Variants in RUNDC3B observed in about 807,000 individuals in gnomAD.
The protein encoded by RUNDC3B is RUN domain containing 3B, also known as RUN domain-containing protein 3B.
In RUNDC3B, 33 loss-of-function variants were observed where a neutral mutation model predicts 58.4. The observed-to-expected ratio is 0.56, with a 90% confidence interval of 0.43 to 0.75. The LOEUF (loss-of-function observed/expected upper bound fraction) is 0.75, where lower values mean the gene tolerates loss of function less well. RUNDC3B is among the 30% of genes least tolerant of loss of function. The pLI, the probability that RUNDC3B is intolerant of heterozygous loss-of-function variation, is 0.00. For synonymous variants in RUNDC3B, 193 were observed against 195.2 expected (o/e 0.99, Z 0.10); for missense variants, 501 against 535.7 (o/e 0.94, Z 0.64).
intron 8 of RUNDC3B, among the ~76,000 whole-genome samples, chr7:87,790,916 G>C (rs961916953): frequency 6.6e-6 from 1 of 152,136 alleles, no homozygotes; most frequent in Non-Finnish European, 1.5e-5. Context: ...GGGTTAGAAA[G>C]TTTATTTAAA....
intron 6 of RUNDC3B, among the ~76,000 whole-genome samples, chr7:87,757,477 A>C (rs1296390874): frequency 6.6e-6 from 1 of 152,168 alleles, no homozygotes; most frequent in East Asian, 1.9e-4. Flanking sequence ...TTAACCAAAG[A>C]AGTAAGAGAT....
intron 4 of RUNDC3B, among the ~76,000 whole-genome samples, chr7:87,733,914 G>T (rs996451102): frequency 6.6e-6 from 1 of 152,128 alleles, no homozygotes; most frequent in Non-Finnish European, 1.5e-5. Context: ...TAAGGGTTTT[G>T]TATCTACAAT....
intron 7 of RUNDC3B, among the ~76,000 whole-genome samples, chr7:87,776,173 A>G (rs1480467545): frequency 6.6e-6 from 1 of 152,154 alleles, no homozygotes; most frequent in Non-Finnish European, 1.5e-5. Flanking sequence ...GAAGATATGC[A>G]TGGCCTATAT....
intron 2 of RUNDC3B, among the ~76,000 whole-genome samples, chr7:87,657,996 A>C (rs1473157863): frequency 6.6e-6 from 1 of 152,190 alleles, no homozygotes; most frequent in Non-Finnish European, 1.5e-5. Context: ...AAATATGTCC[A>C]GCTTTCCATT....
intron 4 of RUNDC3B, among the ~76,000 whole-genome samples, chr7:87,725,703 A>G (rs1005026036): frequency 2.2e-4 from 33 of 152,268 alleles, no homozygotes; most frequent in Admixed American, 2.0e-3. Flanking sequence ...TTACCGTCCC[A>G]CCAACAGTGT....
chr7:87,703,984 G>T (rs1202642398), intron 3 of RUNDC3B, among the ~76,000 whole-genome samples: 2 of 113,502 alleles, frequency 1.8e-5, no homozygotes, highest in Non-Finnish European at 3.4e-5. Context: ...GCAAAGGTAC[G>T]ATCTCAGCTC....
At chr7:87,649,099 T>A (rs2130360939) in intron 1 of RUNDC3B, among the ~76,000 whole-genome samples, 1 of 152,256 alleles carries the variant, frequency 6.6e-6, no homozygotes, top group African/African-American at 2.4e-5. Flanking sequence ...GATTCCCCAC[T>A]GTCTTAGGCA....
At chr7:87,743,154 A>G (rs1191819920) in intron 6 of RUNDC3B, among the ~76,000 whole-genome samples, 1 of 151,918 alleles carries the variant, frequency 6.6e-6, no homozygotes, top group Non-Finnish European at 1.5e-5. Flanking sequence ...ACATACTGAC[A>G]GTTCTCAAGG....
At position 87,628,941 on chromosome 7, in the gene RUNDC3B, T is replaced by G. The variant is rs1408682276; in HGVS notation, c.118T>G (p.Cys40Gly). ...GGAGAGGAGGAACCTGATCACCGTGTGCAGGTACGGCAGCGCAGGGCGAGG... is the reference window on the plus strand; with the variant it reads ...GGAGAGGAGGAACCTGATCACCGTGGGCAGGTACGGCAGCGCAGGGCGAGG... ...AVERRNLITV[C>G]RFSVKTLIDR... The change falls in exon 1 of 11, where the codon TGC (cysteine) becomes GGC (glycine). Residue 40 changes from cysteine (C) to glycine (G), a missense_variant. Physicochemically the swap from Cys to Gly is radical, Grantham distance 159 (BLOSUM62 -3). Transcript: ENST00000394654. The G allele has an allele frequency of 1.5e-6, 2 of 1,310,168 alleles. No homozygotes were observed. The highest frequency in any genetic ancestry group is 9.8e-7 in the Non-Finnish European group (1 of 1,020,546). The allele number at this position is 1,310,168 out of a possible 1,614,324, so 81.2% of individuals were successfully genotyped here. A position where few individuals can be genotyped will look rare whatever the true frequency, so the allele number is the denominator to read the frequency against.
chr7:87,731,228 G>A (rs537422475), intron 4 of RUNDC3B, among the ~76,000 whole-genome samples: 9 of 152,060 alleles, frequency 5.9e-5, no homozygotes, highest in South Asian at 2.1e-4. Context: ...TGATCTCACC[G>A]AATGAACTAT....
chr7:87,805,383 C>A (rs1836385724), intron 8 of RUNDC3B, among the ~76,000 whole-genome samples: 1 of 152,164 alleles, frequency 6.6e-6, no homozygotes, highest in Non-Finnish European at 1.5e-5. Context: ...TTTGTTGTCT[C>A]CACATTCCTC....
chr7:87,711,156 G>C (rs940011183), intron 4 of RUNDC3B, among the ~76,000 whole-genome samples: 1 of 151,710 alleles, frequency 6.6e-6, no homozygotes, highest in African/African-American at 2.4e-5. Flanking sequence ...GATAAACCCC[G>C]TCTCTACTCA....
intron 6 of RUNDC3B, among the ~76,000 whole-genome samples, chr7:87,745,939 G>A (rs900412772): frequency 1.3e-5 from 2 of 151,936 alleles, no homozygotes; most frequent in Non-Finnish European, 2.9e-5. Context: ...AGGTATTTAG[G>A]GCCATGAACT....
chr7:87,829,716 G>A (rs757620686), intron 10 of RUNDC3B, among the ~76,000 whole-genome samples, 169 bp from the exon 11 acceptor site: 3 of 151,978 alleles, frequency 2.0e-5, no homozygotes, highest in Non-Finnish European at 4.4e-5. Context: ...AATGATGTTG[G>A]TACTTTAATG....
chr7:87,689,620 T>G (rs1477644950), intron 2 of RUNDC3B, among the ~76,000 whole-genome samples: 2 of 152,186 alleles, frequency 1.3e-5, no homozygotes, highest in Non-Finnish European at 2.9e-5. Context: ...AAAGTAAATA[T>G]TTCTCATTTT....
At chr7:87,656,535 GA>G (rs1001510779) in intron 2 of RUNDC3B, among the ~76,000 whole-genome samples, 15 of 151,542 alleles carry the variant, frequency 9.9e-5, no homozygotes, top group African/African-American at 3.6e-4. Context: ...GGACACTTGA[GA>G]AAAAATGATA....
At chr7:87,789,589 T>C (rs1835414654) in intron 8 of RUNDC3B, among the ~76,000 whole-genome samples, 1 of 152,214 alleles carries the variant, frequency 6.6e-6, no homozygotes. Flanking sequence ...GTAATAATTC[T>C]AATTAAAATT....
At chr7:87,723,077 A>G (rs1276671159) in intron 4 of RUNDC3B, among the ~76,000 whole-genome samples, 2 of 152,226 alleles carry the variant, frequency 1.3e-5, no homozygotes, top group African/African-American at 4.8e-5. Context: ...AAAAGATTGA[A>G]ACAAATGAAG....
intron 4 of RUNDC3B, among the ~76,000 whole-genome samples, chr7:87,711,317 ACT>A (rs944592273): frequency 6.6e-6 from 1 of 151,498 alleles, no homozygotes; most frequent in Non-Finnish European, 1.5e-5. Context: ...CAAGAGAGAA[ACT>A]CTGTCTCAAA....
Sources: allele counts gnomAD v4.1 joint callset (sites outside exome capture counted in the v4.1 genomes callset), GRCh38; gene constraint gnomAD v4.1.1; transcripts MANE v1.5; gene names NCBI Gene and HGNC (gene_info 2026-07-23, HGNC 2026-07-21).